The following SORCS3 variants were observed in gnomAD, a reference collection of about 807,000 sequenced individuals.
The protein encoded by SORCS3 is VPS10 domain-containing receptor SorCS3.
In SORCS3, 57 loss-of-function variants were observed where a neutral mutation model predicts 146.3. That is an observed-to-expected ratio of 0.39 (90% CI 0.31 to 0.49). The LOEUF (loss-of-function observed/expected upper bound fraction) is 0.49, where lower values mean the gene tolerates loss of function less well. Among genes scored for constraint, SORCS3 ranks in the 20% least tolerant of loss-of-function variants. The pLI, the probability that SORCS3 is intolerant of heterozygous loss-of-function variation, is 0.92. For missense variants in SORCS3, 1,341 were observed against 1,575.5 expected, an observed-to-expected ratio of 0.85 and a Z score of 2.52; for synonymous variants, 653 against 618.5, an observed-to-expected ratio of 1.06 and a Z score of -0.83.
chr10:104,895,939 A>G (rs540718142), intron 2 of SORCS3, among the ~76,000 whole-genome samples: 35 of 152,342 alleles, frequency 2.3e-4, no homozygotes, highest in African/African-American at 7.2e-4. Context: ...TTTCCCTCCA[A>G]TGGGAATAAA....
intron 2 of SORCS3, among the ~76,000 whole-genome samples, chr10:104,897,424 G>A (rs1000519153): frequency 2.0e-5 from 3 of 152,156 alleles, no homozygotes; most frequent in Non-Finnish European, 2.9e-5. Flanking sequence ...GAGATGGGAG[G>A]CTTCTTGCAT....
chr10:104,911,046 A>G (rs768483531), intron 2 of SORCS3, among the ~76,000 whole-genome samples: 1 of 152,164 alleles, frequency 6.6e-6, no homozygotes, highest in Non-Finnish European at 1.5e-5. Flanking sequence ...AAGTGACCCC[A>G]CTGGCTGATG....
chr10:104,780,618 T>A (rs1257457617), intron 1 of SORCS3, among the ~76,000 whole-genome samples: 2 of 152,254 alleles, frequency 1.3e-5, no homozygotes, highest in Non-Finnish European at 2.9e-5. Flanking sequence ...ATGCTCCTTT[T>A]GTGAGCTGCT....
In SORCS3 at chr10:104,696,566, C is replaced by CAT. The variant is rs1487782941; in HGVS notation, c.627+54612_627+54613insAT. On this transcript the variant is annotated intron_variant, in intron 1 of 26. Coordinates refer to ENST00000369701, the MANE Select transcript of SORCS3 (RefSeq NM_014978.3). Reference sequence around the variant, plus strand: ...TATATAATATAGAATATATAATATACGTATATAATATATAATATATATTAT... The same window carrying CAT: ...TATATAATATAGAATATATAATATACATGTATATAATATATAATATATATTAT... 1.2e-3 allele frequency among the ~76,000 whole-genome samples: 11 copies of CAT among 9,150 alleles called. 4 individuals carry two copies. In the East Asian group the frequency reaches 0.07, roughly 58 times the overall value. 6.0% of individuals were successfully genotyped at this position (9,150 alleles called of 152,430 possible).
chr10:104,720,390 G>A (rs914282671), intron 1 of SORCS3, among the ~76,000 whole-genome samples: 3 of 152,114 alleles, frequency 2.0e-5, no homozygotes, highest in Non-Finnish European at 4.4e-5. Context: ...TGGACATTTG[G>A]GTTGGTTCCA....
At chr10:105,219,110 CA>C in intron 19 of SORCS3, among the ~76,000 whole-genome samples, 1 of 152,162 alleles carries the variant, frequency 6.6e-6, no homozygotes, top group Non-Finnish European at 1.5e-5. Context: ...TGGGTATCCC[CA>C]AGACCACCAC....
chr10:105,063,681 G>A (rs2055503010), intron 5 of SORCS3, among the ~76,000 whole-genome samples: 1 of 152,174 alleles, frequency 6.6e-6, no homozygotes, highest in African/African-American at 2.4e-5. Flanking sequence ...GGCCTTGCAA[G>A]GTATTTCCAC....
chr10:104,959,623 CTGCGT>C (rs1458732247), intron 3 of SORCS3, among the ~76,000 whole-genome samples: 1 of 152,230 alleles, frequency 6.6e-6, no homozygotes, highest in African/African-American at 2.4e-5. Flanking sequence ...GTAACAATAC[CTGCGT>C]TGCATTCCTC....
chr10:105,139,338 C>A, intron 7 of SORCS3, 59 bp from the exon 8 acceptor site: 1 of 1,286,126 alleles, frequency 7.8e-7, no homozygotes, highest in South Asian at 1.2e-5. Flanking sequence ...CTAATACTTT[C>A]CAACTTGTGC....
At chr10:104,949,093 A>G (rs2133624589) in intron 3 of SORCS3, among the ~76,000 whole-genome samples, 1 of 152,188 alleles carries the variant, frequency 6.6e-6, no homozygotes, top group East Asian at 1.9e-4. Flanking sequence ...TTTGGCAATA[A>G]CCACAATTTT....
chr10:104,661,932 A>G (rs887355346), intron 1 of SORCS3, among the ~76,000 whole-genome samples: 6 of 152,308 alleles, frequency 3.9e-5, no homozygotes, highest in Admixed American at 6.5e-5. Context: ...GGGATCCAGC[A>G]CTTACTGAAG....
chr10:104,752,077 C>G (rs1022390626), intron 1 of SORCS3, among the ~76,000 whole-genome samples: 1 of 150,596 alleles, frequency 6.6e-6, no homozygotes, highest in Non-Finnish European at 1.5e-5. Flanking sequence ...CTTTGTCACC[C>G]AGGCTGGGGT....
chr10:104,938,180 T>G (rs1250315059), intron 3 of SORCS3, among the ~76,000 whole-genome samples: 1 of 152,194 alleles, frequency 6.6e-6, no homozygotes, highest in Admixed American at 6.5e-5. Flanking sequence ...CCAAACTTTC[T>G]CAAGCTGATG....
At chr10:104,702,810 C>T (rs1226652729) in intron 1 of SORCS3, among the ~76,000 whole-genome samples, 3 of 152,152 alleles carry the variant, frequency 2.0e-5, no homozygotes, top group African/African-American at 7.2e-5. Flanking sequence ...TGACCCTGAG[C>T]AAACCACTTA....
At position 104,992,890 on chromosome 10, in the gene SORCS3, G is replaced by A. The variant is rs2133664273; in HGVS notation, c.954+15397G>A. Reference sequence around the variant, plus strand: ...TAGAAAGAAACCTTTTTTGTTTAATGGTTTTACATTTATTAGGTATGTTTT... The same window carrying A: ...TAGAAAGAAACCTTTTTTGTTTAATAGTTTTACATTTATTAGGTATGTTTT... On this transcript the variant is annotated intron_variant, in intron 4 of 26. Coordinates refer to ENST00000369701, the MANE Select transcript of SORCS3 (RefSeq NM_014978.3). 2.0e-5 allele frequency among the ~76,000 whole-genome samples: 3 copies of A among 151,714 alleles called. 1 individual carries two copies. In the South Asian group the frequency reaches 6.2e-4, roughly 32 times the overall value.
intron 1 of SORCS3, among the ~76,000 whole-genome samples, chr10:104,809,188 A>G (rs1225401064): frequency 6.6e-6 from 1 of 152,218 alleles, no homozygotes; most frequent in Non-Finnish European, 1.5e-5. Context: ...TTTGTCATTC[A>G]TCTCCCAAGA....
intron 5 of SORCS3, among the ~76,000 whole-genome samples, chr10:105,052,071 C>G (rs1269074622): frequency 3.3e-5 from 5 of 152,094 alleles, no homozygotes; most frequent in Admixed American, 2.0e-4. Flanking sequence ...GAATGGTCAA[C>G]TCTTTGGAAG....
chr10:104,982,688 G>A (rs573358965), intron 4 of SORCS3, among the ~76,000 whole-genome samples: 1 of 152,316 alleles, frequency 6.6e-6, no homozygotes, highest in East Asian at 1.9e-4. Context: ...TCTTACAGGT[G>A]TCTCATTAGT....
At chr10:104,892,702 A>G (rs563308399) in intron 2 of SORCS3, among the ~76,000 whole-genome samples, 15 of 152,118 alleles carry the variant, frequency 9.9e-5, no homozygotes, top group Non-Finnish European at 1.9e-4. Context: ...AGCCTGAGCA[A>G]CAGAGTGAGA....
Sources: gnomAD v4.1 joint callset for allele counts (sites outside exome capture counted in the v4.1 genomes callset) on GRCh38, gnomAD v4.1.1 for gene constraint, MANE v1.5 for transcripts, NCBI Gene and HGNC (gene_info 2026-07-23, HGNC 2026-07-21) for gene names.